Variants in FAM200B observed in about 807,000 individuals in gnomAD.
The protein encoded by FAM200B is protein FAM200B.
Under a neutral mutation model 33.1 loss-of-function variants are expected in FAM200B, and 32 were observed. That is an observed-to-expected ratio of 0.97 (90% CI 0.73 to 1.30). The LOEUF is 1.30. Among genes scored for constraint, FAM200B ranks in the 50% most tolerant of loss-of-function variants. The pLI, the probability that FAM200B is intolerant of heterozygous loss-of-function variation, is 0.00. For synonymous variants in FAM200B, 240 were observed against 264.8 expected, an observed-to-expected ratio of 0.91 and a Z score of 0.91; for missense variants, 741 against 754.0, an observed-to-expected ratio of 0.98 and a Z score of 0.20.
At chr4:15,660,368 C>T in the FAM200B span, among the ~76,000 whole-genome samples, 3 of 152,084 alleles carry the variant, frequency 2.0e-5, no homozygotes, top group African/African-American at 7.2e-5. Flanking sequence ...AGGCATGAGC[C>T]GCCGCACCCA....
the FAM200B span, among the ~76,000 whole-genome samples, chr4:15,676,470 T>C: frequency 6.6e-6 from 1 of 152,202 alleles, no homozygotes; most frequent in African/African-American, 2.4e-5. Flanking sequence ...CTCTGTTATA[T>C]ATTAAGAGAG....
chr4:15,679,367 T>C (rs915271192), upstream of FAM200B, among the ~76,000 whole-genome samples: 5 of 152,076 alleles, frequency 3.3e-5, no homozygotes, highest in African/African-American at 9.7e-5. Flanking sequence ...ATCTACTCTT[T>C]AACAATTATT....
At chr4:15,644,667 A>G in the FAM200B span, 1 of 1,610,986 alleles carries the variant, frequency 6.2e-7, no homozygotes, top group Non-Finnish European at 8.5e-7. Flanking sequence ...ACTGCAGAAG[A>G]GCACGGAAAT....
chr4:15,648,880 A>C, the FAM200B span, among the ~76,000 whole-genome samples: 3 of 152,192 alleles, frequency 2.0e-5, no homozygotes, highest in Non-Finnish European at 4.4e-5. Flanking sequence ...TCCCACACAA[A>C]GGGTAATCGT....
chr4:15,687,496 A>G lies in FAM200B; in HGVS notation c.519A>G (p.Pro173=). Residue 173 remains proline, a synonymous_variant, in exon 2 of 2, where the codon CCA becomes CCG. Coordinates refer to ENST00000422728, the MANE Select transcript of FAM200B (RefSeq NM_001145191.2). ...ANTAAEKIIL[P]ACLDMVRTIF... ...CAGCTGCTGAAAAAATTATTCTTCCAGCATGTTTGGATATGGTGCGTACAA... is the reference window on the plus strand; with the variant it reads ...CAGCTGCTGAAAAAATTATTCTTCCGGCATGTTTGGATATGGTGCGTACAA... The G allele has an allele frequency of 1.3e-6, 2 of 1,551,146 alleles. No homozygotes were observed. The highest frequency in any genetic ancestry group is 1.4e-5 in the African/African-American group (1 of 73,154).
the FAM200B span, among the ~76,000 whole-genome samples, chr4:15,664,395 T>C: frequency 6.6e-6 from 1 of 152,070 alleles, no homozygotes; most frequent in Admixed American, 6.6e-5. Flanking sequence ...AGTTAAATCA[T>C]ATTGGCACAC....
chr4:15,641,569 A>C, the FAM200B span: 1 of 456,402 alleles, frequency 2.2e-6, no homozygotes, highest in African/African-American at 1.9e-5. Flanking sequence ...TAATACATGA[A>C]ATAATTGTTA....
At position 15,688,243 on chromosome 4, in the gene FAM200B, T is replaced by A; in HGVS notation, c.1266T>A (p.Asp422Glu). 1 of 1,549,012 alleles carries A rather than the reference T, an allele frequency of 6.5e-7. No homozygotes were observed. The highest frequency in any genetic ancestry group is 8.7e-7 in the Non-Finnish European group (1 of 1,144,842). The change falls in exon 2 of 2, where the codon GAT becomes GAA. Residue 422 changes from aspartate (D) to glutamate (E), a missense_variant. By Grantham distance (45) the Asp-to-Glu change is conservative. Coordinates refer to ENST00000422728, the MANE Select transcript of FAM200B (RefSeq NM_001145191.2). ...CTCATTTGGCAAGTATTTTTGAAGATGATACTTGGGTAACAAAATTGGCAT... is the reference window on the plus strand; with the variant it reads ...CTCATTTGGCAAGTATTTTTGAAGAAGATACTTGGGTAACAAAATTGGCAT... ...KKSHLASIFE[D>E]DTWVTKLAYL...
At chr4:15,641,582 C>T in the FAM200B span, 25 of 456,478 alleles carry the variant, frequency 5.5e-5, no homozygotes, top group Admixed American at 7.1e-5. Context: ...AATTGTTATT[C>T]GATTGTTTTA....
chr4:15,657,802 C>G, the FAM200B span, among the ~76,000 whole-genome samples: 1 of 152,164 alleles, frequency 6.6e-6, no homozygotes, highest in African/African-American at 2.4e-5. Flanking sequence ...AGTGTAGTAT[C>G]ATTACCATAG....
chr4:15,677,519 C>T (rs1243812508), upstream of FAM200B, among the ~76,000 whole-genome samples: 1 of 152,156 alleles, frequency 6.6e-6, no homozygotes, highest in Non-Finnish European at 1.5e-5. Context: ...ATCTCACTAT[C>T]TCTGACAAGG....
At chr4:15,656,377 G>A in the FAM200B span, 1 of 440,590 alleles carries the variant, frequency 2.3e-6, no homozygotes, top group Non-Finnish European at 4.6e-6. Context: ...AAACAGGGAA[G>A]CCTGAGAACC....
rs537018310 is a variant in FAM200B, at chr4:15,690,067, C to T, written c.*1116C>T. 6 of 167,206 alleles carry T rather than the reference C, an allele frequency of 3.6e-5. No homozygotes were observed. The South Asian group carries it at 1.2e-3, about 35-fold the overall frequency. The allele number at this position is 167,206 out of a possible 1,614,324, so 10.4% of individuals were successfully genotyped here. A position where few individuals can be genotyped will look rare whatever the true frequency, so the allele number is the denominator to read the frequency against. On this transcript the variant is annotated 3_prime_UTR_variant, in exon 2 of 2. Transcript: ENST00000422728. ...ATACCTAACATCTCTAATTTGCAGT[C>T]ATTCCCAAGAGTAATTATTAAATAT... is the stretch of plus-strand genomic sequence containing the variant.
At chr4:15,684,389 T>C (rs565446458) in intron 1 of FAM200B, among the ~76,000 whole-genome samples, 3 of 152,354 alleles carry the variant, frequency 2.0e-5, no homozygotes, top group East Asian at 1.9e-4. Flanking sequence ...TTCGGAGATA[T>C]AAGTAAAGAA....
chr4:15,653,221 T>C, the FAM200B span, among the ~76,000 whole-genome samples: 1 of 152,222 alleles, frequency 6.6e-6, no homozygotes, highest in Admixed American at 6.5e-5. Context: ...GAATTAGTAA[T>C]AATTTTGACT....
the FAM200B span, among the ~76,000 whole-genome samples, chr4:15,642,240 A>G: frequency 6.9e-6 from 1 of 144,176 alleles, no homozygotes; most frequent in Non-Finnish European, 1.5e-5. Flanking sequence ...AAAATAATGA[A>G]AACTTTTTTT....
the FAM200B span, chr4:15,656,211 G>C: frequency 1.3e-5 from 6 of 456,128 alleles, no homozygotes; most frequent in Non-Finnish European, 2.6e-5. Context: ...GGTTCGGAGA[G>C]AAAACAAGGT....
the FAM200B span, among the ~76,000 whole-genome samples, chr4:15,648,725 G>A: frequency 6.6e-6 from 1 of 152,066 alleles, no homozygotes; most frequent in Admixed American, 6.6e-5. Flanking sequence ...GAGAAAATGG[G>A]GAGATGCTGA....
At chr4:15,638,536 T>C in the FAM200B span, 1 of 1,595,380 alleles carries the variant, frequency 6.3e-7, no homozygotes, top group Non-Finnish European at 8.5e-7. Flanking sequence ...CCACGGAATA[T>C]TTAAAAAACT....
Sources: gnomAD v4.1 joint callset for allele counts (sites outside exome capture counted in the v4.1 genomes callset) on GRCh38, gnomAD v4.1.1 for gene constraint, MANE v1.5 for transcripts, NCBI Gene and HGNC (gene_info 2026-07-23, HGNC 2026-07-21) for gene names.